ESRRB: variants seen among roughly 807,000 people sequenced by gnomAD.
ESRRB encodes estrogen related receptor beta.
Under a neutral mutation model 46.0 loss-of-function variants are expected in ESRRB, and 16 were observed. The observed-to-expected ratio is 0.35, with a 90% CI of 0.24 to 0.53. ESRRB has a LOEUF of 0.53. ESRRB is among the 20% of genes least tolerant of loss of function. The pLI is 0.93. For synonymous variants in ESRRB, 246 were observed against 259.6 expected (o/e 0.95, Z 0.50); for missense variants, 488 against 607.4 (o/e 0.80, Z 2.07).
At chr14:76,311,702 C>T (rs1377942840) in intron 1 of ESRRB, among the ~76,000 whole-genome samples, 1 of 152,148 alleles carries the variant, frequency 6.6e-6, no homozygotes, top group South Asian at 2.1e-4. Flanking sequence ...CTGCATCCTT[C>T]GCAAAGGAAG....
intron 1 of ESRRB, among the ~76,000 whole-genome samples, chr14:76,323,883 A>G (rs1458531288): frequency 1.3e-5 from 2 of 152,200 alleles, no homozygotes; most frequent in Non-Finnish European, 2.9e-5. Context: ...AATTTCCCCC[A>G]GAGTGGGCGA....
chr14:76,411,552 C>T (rs1886443914), intron 1 of ESRRB, among the ~76,000 whole-genome samples: 1 of 152,130 alleles, frequency 6.6e-6, no homozygotes, highest in African/African-American at 2.4e-5. Flanking sequence ...TTGAGTGAAT[C>T]CTCGCCTGCT....
intron 1 of ESRRB, among the ~76,000 whole-genome samples, chr14:76,317,218 T>C (rs1280209414): frequency 2.0e-5 from 3 of 152,122 alleles, no homozygotes; most frequent in Non-Finnish European, 2.9e-5. Flanking sequence ...TAGGCATCTC[T>C]TGGGGACAAG....
chr14:76,349,480 C>G (rs766277350), intron 1 of ESRRB, among the ~76,000 whole-genome samples: 4 of 152,110 alleles, frequency 2.6e-5, no homozygotes, highest in Admixed American at 1.3e-4. Context: ...GTCCTTAACC[C>G]AAGAAGGTGT....
intron 2 of ESRRB, among the ~76,000 whole-genome samples, chr14:76,453,536 G>C (rs1199219143): frequency 6.6e-6 from 1 of 150,990 alleles, no homozygotes; most frequent in Non-Finnish European, 1.5e-5. Flanking sequence ...TGTTTTTCTC[G>C]TATTTTCTCT....
In ESRRB at chr14:76,499,604, C is replaced by T; in HGVS notation, c.*1146C>T. The T allele has an allele frequency of 1.8e-6, 1 of 553,684 alleles. No individual in the cohort carries two copies. Among genetic ancestry groups the T allele is most frequent in the South Asian group, 2.0e-5 (1 of 50,930 alleles). The allele number at this position is 553,684 out of a possible 1,614,324, so 34.3% of individuals were successfully genotyped here. A position where few individuals can be genotyped will look rare whatever the true frequency, so the allele number is the denominator to read the frequency against. ...CCAGTGCCACAGGAGGGGTGCCCTC[C>T]TACCACACTTGGGCTACCAGAGGTT... On this transcript the variant is annotated 3_prime_UTR_variant, in exon 7 of 7. Coordinates refer to ENST00000644823, the MANE Select transcript of ESRRB (RefSeq NM_001379180.1).
Position 76,500,594 on chromosome 14 carries a change from G to A in ESRRB, c.*2136G>A. ...CTCACTGTGCTGTGTCCTTGCAGCGGGGCCGAGGTAGCACCCTGCTCTGTC... is the reference window on the plus strand; with the variant it reads ...CTCACTGTGCTGTGTCCTTGCAGCGAGGCCGAGGTAGCACCCTGCTCTGTC... On this transcript the variant is annotated 3_prime_UTR_variant, in exon 7 of 7. Transcript: ENST00000644823. 1 of 1,189,676 alleles carries A rather than the reference G, an allele frequency of 8.4e-7. No homozygotes were observed. The allele number at this position is 1,189,676 out of a possible 1,614,324, so 73.7% of individuals were successfully genotyped here. A position where few individuals can be genotyped will look rare whatever the true frequency, so the allele number is the denominator to read the frequency against.
chr14:76,412,528 T>G (rs1212169392), intron 1 of ESRRB, among the ~76,000 whole-genome samples: 1 of 152,136 alleles, frequency 6.6e-6, no homozygotes, highest in Non-Finnish European at 1.5e-5. Context: ...GCTGTCGACC[T>G]GGGAGCCTCC....
chr14:76,499,402 AG>A lies in ESRRB; in HGVS notation c.*946del. On this transcript the variant is annotated 3_prime_UTR_variant, in exon 7 of 7. Transcript: ENST00000644823. ...CTCCATCCAAGAGCACCCCGGGGGG[AG>A]GATCAGGACAGGATGGACAGAGGCC... The A allele has an allele frequency of 3.9e-6, 1 of 259,242 alleles. No individual in the cohort carries two copies. Among genetic ancestry groups the A allele is most frequent in the Non-Finnish European group, 7.6e-6 (1 of 132,034 alleles). The allele number at this position is 259,242 out of a possible 1,614,324, so 16.1% of individuals were successfully genotyped here. A position where few individuals can be genotyped will look rare whatever the true frequency, so the allele number is the denominator to read the frequency against.
chr14:76,460,265 G>A (rs1231342809), intron 2 of ESRRB, among the ~76,000 whole-genome samples: 1 of 152,162 alleles, frequency 6.6e-6, no homozygotes, highest in African/African-American at 2.4e-5. Context: ...GTCCTCAGTG[G>A]GGCAGCACTT....
Position 76,388,296 on chromosome 14 carries a change from G to A in ESRRB, c.50+11845G>A, listed in dbSNP as rs560743262. 4.3e-3 allele frequency among the ~76,000 whole-genome samples: 650 copies of A among 149,848 alleles called. 6 individuals carry two copies. Among genetic ancestry groups the A allele is most frequent in the African/African-American group, 0.015 (622 of 40,476 alleles). ...CAGGTTCACGCCGTTCTCCTGCCTC[G>A]GCCTCCCAAGTAGCTGGGACTATAG... is the stretch of plus-strand genomic sequence containing the variant. On this transcript the variant is annotated intron_variant, in intron 1 of 6. Coordinates refer to ENST00000644823, the MANE Select transcript of ESRRB (RefSeq NM_001379180.1).
intron 1 of ESRRB, among the ~76,000 whole-genome samples, chr14:76,328,009 C>T (rs372175216): frequency 6.6e-6 from 1 of 152,248 alleles, no homozygotes; most frequent in South Asian, 2.1e-4. Flanking sequence ...CCACTGTGCC[C>T]GGCCATACCT....
chr14:76,473,326 G>A (rs1255788966), intron 3 of ESRRB, among the ~76,000 whole-genome samples: 1 of 152,246 alleles, frequency 6.6e-6, no homozygotes, highest in Non-Finnish European at 1.5e-5. Flanking sequence ...GTTGAATTTG[G>A]TGATGGGGGA....
At chr14:76,398,160 C>A (rs565132838) in intron 1 of ESRRB, among the ~76,000 whole-genome samples, 41 of 152,226 alleles carry the variant, frequency 2.7e-4, no homozygotes, top group Middle Eastern at 3.2e-3. Context: ...ATATGCCAGG[C>A]ACAGTGTATC....
intron 1 of ESRRB, among the ~76,000 whole-genome samples, chr14:76,384,754 G>C (rs1885150271): frequency 6.6e-6 from 1 of 152,122 alleles, no homozygotes; most frequent in African/African-American, 2.4e-5. Context: ...GAGAGGACAA[G>C]GGGGGGTTAT....
At chr14:76,368,851 C>A (rs976516944), upstream of ESRRB, among the ~76,000 whole-genome samples, 3 of 152,166 alleles carry the variant, frequency 2.0e-5, no homozygotes, top group East Asian at 5.8e-4. Context: ...CAGTATACAT[C>A]TGTGAAGGTA....
At chr14:76,383,001 TA>T (rs1226756494) in intron 1 of ESRRB, among the ~76,000 whole-genome samples, 4 of 152,222 alleles carry the variant, frequency 2.6e-5, no homozygotes, top group Non-Finnish European at 4.4e-5. Context: ...AGAAGGCAGT[TA>T]AACAAACTCC....
chr14:76,406,616 G>A (rs886098312), intron 1 of ESRRB, among the ~76,000 whole-genome samples: 1 of 152,106 alleles, frequency 6.6e-6, no homozygotes, highest in Non-Finnish European at 1.5e-5. Flanking sequence ...ATGATGGCAG[G>A]CACCTGTAAT....
chr14:76,347,027 G>C (rs1884258851), intron 1 of ESRRB, among the ~76,000 whole-genome samples: 1 of 152,216 alleles, frequency 6.6e-6, no homozygotes, highest in Non-Finnish European at 1.5e-5. Context: ...CTGGGACCCA[G>C]ATGCCACTAT....
Sources: allele counts gnomAD v4.1 joint callset (sites outside exome capture counted in the v4.1 genomes callset), GRCh38; gene constraint gnomAD v4.1.1; transcripts MANE v1.5; gene names NCBI Gene and HGNC (gene_info 2026-07-23, HGNC 2026-07-21).